RANBP9: variants seen among roughly 807,000 people sequenced by gnomAD.
The protein encoded by RANBP9 is RAN binding protein 9, also known as ran-binding protein 9.
A neutral mutation model predicts 84.3 loss-of-function variants in RANBP9; 15 were observed. That is an observed-to-expected ratio of 0.18 (90% CI 0.12 to 0.27). The LOEUF (loss-of-function observed/expected upper bound fraction) is 0.27, where lower values mean the gene tolerates loss of function less well. Ranked by LOEUF, RANBP9 falls within the 10% of genes least tolerant of loss-of-function variation. The pLI, the probability that RANBP9 is intolerant of heterozygous loss-of-function variation, is 1.00. For synonymous variants in RANBP9, 392 were observed against 349.6 expected (o/e 1.12, Z -1.35); for missense variants, 809 against 912.8 (o/e 0.89, Z 1.46).
intron 1 of RANBP9, among the ~76,000 whole-genome samples, chr6:13,700,835 T>TA (rs1757949952): frequency 6.6e-6 from 1 of 152,216 alleles, no homozygotes; most frequent in Non-Finnish European, 1.5e-5. Context: ...AGGACTGTAA[T>TA]TTTTGTAGTG....
At chr6:13,664,339 T>C (rs1188894996) in intron 2 of RANBP9, among the ~76,000 whole-genome samples, 5 of 152,082 alleles carry the variant, frequency 3.3e-5, no homozygotes, top group Non-Finnish European at 7.4e-5. Flanking sequence ...CTTTGGGAAA[T>C]CTTAAAAGAC....
In RANBP9 at chr6:13,711,604, C is replaced by G; in HGVS notation, c.-99G>C. ...GCTGCGGCCGCCGGCACCAGGCGCC[C>G]AGTCCGCCCGCCCCGGAAGCAGGCG... On this transcript the variant is annotated 5_prime_UTR_variant, in exon 1 of 14. Coordinates refer to ENST00000011619, the MANE Select transcript of RANBP9 (RefSeq NM_005493.3). 9.0e-7 allele frequency: 1 copy of G among 1,113,858 alleles called. No individual in the cohort carries two copies. Among genetic ancestry groups the G allele is most frequent in the Non-Finnish European group, 1.1e-6 (1 of 896,208 alleles). The allele number at this position is 1,113,858 out of a possible 1,614,324, so 69.0% of individuals were successfully genotyped here. A position where few individuals can be genotyped will look rare whatever the true frequency, so the allele number is the denominator to read the frequency against.
At chr6:13,683,300 A>T (rs1766089435) in intron 2 of RANBP9, among the ~76,000 whole-genome samples, 1 of 152,210 alleles carries the variant, frequency 6.6e-6, no homozygotes, top group Non-Finnish European at 1.5e-5. Context: ...AATATATCTG[A>T]GATAAACATA....
intron 8 of RANBP9, among the ~76,000 whole-genome samples, chr6:13,640,768 A>C (rs1481662762): frequency 6.6e-6 from 1 of 152,110 alleles, no homozygotes; most frequent in African/African-American, 2.4e-5. Flanking sequence ...TGTTTAATAG[A>C]GAGTTTCAGT....
chr6:13,649,433 C>G (rs368482450), intron 5 of RANBP9, among the ~76,000 whole-genome samples: 2 of 146,936 alleles, frequency 1.4e-5, no homozygotes, highest in African/African-American at 5.0e-5. Flanking sequence ...CAAAAGCTCA[C>G]GCTGACTAGT....
rs1281121316 is a variant in RANBP9 at position 13,621,919 on chromosome 6, G to GC, written c.*442dup. 4 of 153,110 alleles carry GC rather than the reference G, an allele frequency of 2.6e-5. No homozygotes were observed. The highest frequency in any genetic ancestry group is 3.9e-4 in the East Asian group (2 of 5,190). The allele number at this position is 153,110 out of a possible 1,614,324, so 9.5% of individuals were successfully genotyped here. ...AAACTGTCGGATGTTTATGCATTTT[G>GC]CAAGTTACACTGATTGAATGCTTAT... is the stretch of plus-strand genomic sequence containing the variant. On this transcript the variant is annotated 3_prime_UTR_variant, in exon 14 of 14. Transcript: ENST00000011619.
intron 11 of RANBP9, 72 bp from the exon 12 acceptor site, chr6:13,632,593 C>T (rs1011948318): frequency 2.9e-6 from 4 of 1,377,078 alleles, no homozygotes; most frequent in Non-Finnish European, 4.0e-6. Context: ...ACATACATTT[C>T]TTATACCATT....
At chr6:13,662,703 G>C (rs1765559768) in intron 2 of RANBP9, among the ~76,000 whole-genome samples, 1 of 152,192 alleles carries the variant, frequency 6.6e-6, no homozygotes. Flanking sequence ...GGGCTTTCAA[G>C]CCTCCAGAAC....
intron 13 of RANBP9, among the ~76,000 whole-genome samples, chr6:13,623,957 C>T (rs1764530711): frequency 6.6e-6 from 1 of 152,110 alleles, no homozygotes; most frequent in South Asian, 2.1e-4. Context: ...AGATTAGTAT[C>T]ATCTAATAAT....
intron 2 of RANBP9, among the ~76,000 whole-genome samples, chr6:13,678,005 G>A (rs950512095): frequency 7.2e-5 from 11 of 152,238 alleles, no homozygotes; most frequent in African/African-American, 2.4e-4. Flanking sequence ...TGCAGTGCCA[G>A]CTACTCAAGA....
intron 12 of RANBP9, 114 bp downstream of exon 12, chr6:13,632,256 A>T (rs1219934058): frequency 1.0e-6 from 1 of 989,054 alleles, no homozygotes; most frequent in Non-Finnish European, 1.4e-6. Context: ...GCCAGGGGGA[A>T]GGTCAGGTCC....
At chr6:13,647,126 T>C (rs537878026) in intron 5 of RANBP9, among the ~76,000 whole-genome samples, 100 of 152,310 alleles carry the variant, frequency 6.6e-4, no homozygotes, top group African/African-American at 2.3e-3. Context: ...GAAAAATCTA[T>C]TAAAATTGAC....
intron 5 of RANBP9, among the ~76,000 whole-genome samples, chr6:13,651,054 A>C (rs1765284377): frequency 6.6e-6 from 1 of 152,204 alleles, no homozygotes; most frequent in Non-Finnish European, 1.5e-5. Context: ...TATATTGCTT[A>C]TCTCATCCTT....
chr6:13,696,931 T>C (rs755656470), intron 1 of RANBP9, 35 bp from the exon 2 acceptor site: 8 of 1,512,508 alleles, frequency 5.3e-6, no homozygotes, highest in Middle Eastern at 1.7e-4. Context: ...AGAAGTCACA[T>C]GAGATATTCA....
At chr6:13,687,458 A>G (rs1766216521) in intron 2 of RANBP9, among the ~76,000 whole-genome samples, 1 of 151,924 alleles carries the variant, frequency 6.6e-6, no homozygotes, top group South Asian at 2.1e-4. Flanking sequence ...ACTGCACTCC[A>G]GCCTGGGCAA....
intron 2 of RANBP9, among the ~76,000 whole-genome samples, chr6:13,666,793 T>TA (rs1562311104): frequency 1.3e-5 from 2 of 151,880 alleles, no homozygotes; most frequent in African/African-American, 4.8e-5. Flanking sequence ...TGTTATGGAA[T>TA]AAATACTACA....
intron 1 of RANBP9, among the ~76,000 whole-genome samples, chr6:13,701,440 C>T (rs1256694146): frequency 1.3e-5 from 2 of 152,178 alleles, no homozygotes; most frequent in Non-Finnish European, 2.9e-5. Flanking sequence ...ACATCCTCTA[C>T]TCAAATTCAT....
intron 5 of RANBP9, among the ~76,000 whole-genome samples, chr6:13,646,569 A>C (rs1765179506): frequency 6.6e-6 from 1 of 152,226 alleles, no homozygotes. Flanking sequence ...GTATTGTCTA[A>C]ATAAAGACAT....
At position 13,637,947 on chromosome 6, in the gene RANBP9, T is replaced by C; in HGVS notation, c.1534A>G (p.Ser512Gly). Residue 512 changes from serine (S) to glycine (G), a missense_variant, in exon 10 of 14, where the codon AGT becomes GGT. Physicochemically the swap from Ser to Gly is moderately conservative, Grantham distance 56 (BLOSUM62 0). Around this residue, in one of 5 missense-constraint regions of RANBP9, gnomAD observed 216 missense variants for 329.0 expected, o/e 0.66. Coordinates refer to ENST00000011619, the MANE Select transcript of RANBP9 (RefSeq NM_005493.3). Reference sequence around the variant, plus strand: ...TTTGATATTACACCATTACTACAACTTTCAAAACCTGAAGAAAAAGATACC... The same window carrying C: ...TTTGATATTACACCATTACTACAACCTTCAAAACCTGAAGAAAAAGATACC... ...GSTAHFSGFE[S>G]CSNGVISNKA... 2.5e-6 allele frequency: 4 copies of C among 1,592,958 alleles called. No homozygotes were observed. Among genetic ancestry groups the C allele is most frequent in the Non-Finnish European group, 3.4e-6 (4 of 1,173,010 alleles).
Sources: allele counts gnomAD v4.1 joint callset (sites outside exome capture counted in the v4.1 genomes callset), GRCh38; gene constraint gnomAD v4.1.1; regional missense constraint gnomAD v4.1.1; transcripts MANE v1.5; gene names NCBI Gene and HGNC (gene_info 2026-07-23, HGNC 2026-07-21).